P3H2: variants seen among roughly 807,000 people sequenced by gnomAD.
P3H2 encodes the protein leprecan-like 1.
Under a neutral mutation model 87.0 loss-of-function variants are expected in P3H2, and 80 were observed. The observed-to-expected ratio is 0.92, with a 90% CI of 0.77 to 1.11. The LOEUF (loss-of-function observed/expected upper bound fraction) is 1.11, where lower values mean the gene tolerates loss of function less well. P3H2 is among the 50% of genes least tolerant of loss of function. The pLI is 0.00. For missense variants in P3H2, 1,001 were observed against 923.9 expected, an observed-to-expected ratio of 1.08 and a Z score of -1.08; for synonymous variants, 367 against 359.3, an observed-to-expected ratio of 1.02 and a Z score of -0.24.
chr3:190,119,231 CAGCAGAGCAG>C (rs143484200), intron 1 of P3H2, among the ~76,000 whole-genome samples: 37 of 121,840 alleles, frequency 3.0e-4, no homozygotes, highest in Middle Eastern at 5.0e-3. Context: ...AAGCAGAGCA[CAGCAGAGCAG>C]AGCAGAGCAG....
At chr3:190,017,283 A>G (rs1724786226) in intron 1 of P3H2, among the ~76,000 whole-genome samples, 1 of 152,144 alleles carries the variant, frequency 6.6e-6, no homozygotes, top group South Asian at 2.1e-4. Flanking sequence ...GGGCAGTGAA[A>G]TTCTATTTAG....
chr3:190,002,225 GA>G (rs1250071180), intron 1 of P3H2, among the ~76,000 whole-genome samples: 2 of 151,848 alleles, frequency 1.3e-5, no homozygotes, highest in Admixed American at 6.6e-5. Context: ...TCAGTTATAA[GA>G]AAAAACAGTT....
chr3:190,099,932 T>C (rs555113500), intron 1 of P3H2, among the ~76,000 whole-genome samples: 2 of 152,264 alleles, frequency 1.3e-5, no homozygotes, highest in African/African-American at 2.4e-5. Flanking sequence ...ACCCTGACAC[T>C]GCTATAAAAT....
intron 13 of P3H2, among the ~76,000 whole-genome samples, chr3:189,965,337 C>A (rs567532062): frequency 6.6e-6 from 1 of 152,172 alleles, no homozygotes; most frequent in Non-Finnish European, 1.5e-5. Flanking sequence ...GCCAGAGAGA[C>A]AGGTGGGTGC....
chr3:190,085,224 T>C, intron 1 of P3H2, among the ~76,000 whole-genome samples: 1 of 152,212 alleles, frequency 6.6e-6, no homozygotes, highest in East Asian at 1.9e-4. Context: ...AACCCAATGT[T>C]GTTTGTTGGC....
Position 189,983,111 on chromosome 3 carries a change from G to T in P3H2, c.1259C>A (p.Ala420Glu). The change falls in exon 8 of 15, where the codon GCA (alanine) becomes GAA (glutamate). Residue 420 changes from alanine (A) to glutamate (E), a missense_variant. Transcript: ENST00000319332. ...TCCCATTGAGAATCCATGAACTTCT[G>T]CTCCCTCTACGTTCACTCCTGAAGG... ...RVPSGVNVEG[A>E]EVHGFSMGKK... 2 of 1,613,726 alleles carry T rather than the reference G, an allele frequency of 1.2e-6. No individual in the cohort carries two copies. The highest frequency in any genetic ancestry group is 1.7e-6 in the Non-Finnish European group (2 of 1,179,818).
chr3:190,019,991 C>T lies in P3H2; in HGVS notation c.481-24549G>A, dbSNP rs1724888476. On this transcript the variant is annotated intron_variant, in intron 1 of 14. Transcript: ENST00000319332. ...GAATAAAATTTAACATACCTTACCC[C>T]ATGAATACAATTCTGCGAGTAGTCA... Among the ~76,000 whole-genome samples the T allele has an allele frequency of 1.5e-5, 2 of 131,936 alleles. 1 individual carries two copies. Among genetic ancestry groups the T allele is most frequent in the Non-Finnish European group, 3.3e-5 (2 of 59,736 alleles). 86.6% of individuals were successfully genotyped at this position (131,936 alleles called of 152,430 possible). A position where few individuals can be genotyped will look rare whatever the true frequency, so the allele number is the denominator to read the frequency against.
In P3H2 at chr3:190,041,072, ACACACACACT is replaced by A. The variant is rs1273914092; in HGVS notation, c.481-45640_481-45631del. On this transcript the variant is annotated intron_variant, in intron 1 of 14. Transcript: ENST00000319332. ...CACACACACACACACACACACACACACACACACACTCTCTCTCTCTATATATATATATATA... is the reference window on the plus strand; with the variant it reads ...CACACACACACACACACACACACACACTCTCTCTCTATATATATATATATA... Among the ~76,000 whole-genome samples, 93 of 45,244 alleles carry A rather than the reference ACACACACACT, an allele frequency of 2.1e-3. 5 individuals are homozygous for A. The highest frequency in any genetic ancestry group is 4.0e-3 in the African/African-American group (33 of 8,152). The allele number at this position is 45,244 out of a possible 152,430, so 29.7% of individuals were successfully genotyped here.
At chr3:190,074,307 C>T (rs1193510476) in intron 1 of P3H2, among the ~76,000 whole-genome samples, 3 of 152,152 alleles carry the variant, frequency 2.0e-5, no homozygotes, top group African/African-American at 7.2e-5. Flanking sequence ...GTCAGGAGTT[C>T]GAGACCTGCC....
intron 1 of P3H2, among the ~76,000 whole-genome samples, chr3:190,023,686 C>T (rs1725001775): frequency 6.6e-6 from 1 of 152,146 alleles, no homozygotes; most frequent in Admixed American, 6.6e-5. Context: ...AAAACCTAAC[C>T]TTGTCAATGA....
intron 1 of P3H2, among the ~76,000 whole-genome samples, chr3:190,001,897 GA>G (rs1220685581): frequency 1.3e-5 from 2 of 151,992 alleles, no homozygotes; most frequent in Non-Finnish European, 2.9e-5. Context: ...CTTACAATAT[GA>G]ATAATATATT....
At chr3:189,970,936 G>A in intron 12 of P3H2, 45 bp from the exon 13 acceptor site, 2 of 1,072,722 alleles carry the variant, frequency 1.9e-6, no homozygotes, top group Non-Finnish European at 2.9e-6. Context: ...ATATGCTTAT[G>A]AGAGCATGGT....
intron 5 of P3H2, 82 bp downstream of exon 5, chr3:189,987,444 AC>A (rs1376498733): frequency 1.3e-5 from 20 of 1,483,908 alleles, no homozygotes; most frequent in African/African-American, 4.3e-5. Flanking sequence ...GTGCCATTGC[AC>A]TCCAGCCTGG....
At chr3:189,965,800 A>G (rs981642415) in intron 13 of P3H2, among the ~76,000 whole-genome samples, 1 of 152,074 alleles carries the variant, frequency 6.6e-6, no homozygotes, top group African/African-American at 2.4e-5. Context: ...AGCCTGGCCA[A>G]CATGGTGAAA....
At chr3:190,052,214 A>G (rs1726005052) in intron 1 of P3H2, among the ~76,000 whole-genome samples, 1 of 151,978 alleles carries the variant, frequency 6.6e-6, no homozygotes, top group Non-Finnish European at 1.5e-5. Context: ...TGCATTAAGT[A>G]TTTGTCCTAA....
chr3:190,074,970 G>C (rs548838387), intron 1 of P3H2, among the ~76,000 whole-genome samples: 1 of 152,260 alleles, frequency 6.6e-6, no homozygotes, highest in African/African-American at 2.4e-5. Context: ...CTCTAACTTT[G>C]CACTGTGCTA....
intron 1 of P3H2, among the ~76,000 whole-genome samples, chr3:190,081,240 T>C (rs1407998552): frequency 6.6e-6 from 1 of 152,220 alleles, no homozygotes; most frequent in Non-Finnish European, 1.5e-5. Flanking sequence ...GTTTGACACA[T>C]GGAAGCCTAG....
rs146607564 is a variant in P3H2 at position 190,010,321 on chromosome 3, T to A, written c.481-14879A>T. Among the ~76,000 whole-genome samples the A allele has an allele frequency of 3.0e-3, 454 of 152,278 alleles. 1 individual carries two copies. Among genetic ancestry groups the A allele is most frequent in the African/African-American group, 0.01 (426 of 41,568 alleles). On this transcript the variant is annotated intron_variant, in intron 1 of 14. Coordinates refer to ENST00000319332, the MANE Select transcript of P3H2 (RefSeq NM_018192.4). The stretch of plus-strand genomic sequence containing the variant: ...CACCAGAGACCTGAAATAAATGTAT[T>A]ACCACGTGTTTTGCGCTAAATGGTG...
intron 1 of P3H2, among the ~76,000 whole-genome samples, chr3:190,004,679 G>A (rs548213884): frequency 2.6e-5 from 4 of 152,282 alleles, no homozygotes; most frequent in East Asian, 1.9e-4. Flanking sequence ...ACCGCGCCTG[G>A]CCACGAACAA....
Sources: allele counts gnomAD v4.1 joint callset (sites outside exome capture counted in the v4.1 genomes callset), GRCh38; gene constraint gnomAD v4.1.1; transcripts MANE v1.5; gene names NCBI Gene and HGNC (gene_info 2026-07-23, HGNC 2026-07-21).